USP10: variants seen among roughly 807,000 people sequenced by gnomAD.
The protein encoded by USP10 is ubiquitin carboxyl-terminal hydrolase 10.
USP10 carries 22 observed loss-of-function variants against 84.5 expected under a neutral mutation model. The ratio of observed to expected loss-of-function variants is 0.26; its 90% CI spans 0.19 to 0.37. The LOEUF (loss-of-function observed/expected upper bound fraction) is 0.37, where lower values mean the gene tolerates loss of function less well. Among genes scored for constraint, USP10 ranks in the 10% least tolerant of loss-of-function variants. The pLI, the probability that USP10 is intolerant of heterozygous loss-of-function variation, is 1.00. For synonymous variants in USP10, 454 were observed against 387.6 expected (o/e 1.17, Z -2.01); for missense variants, 1,019 against 998.9 (o/e 1.02, Z -0.27).
intron 1 of USP10, among the ~76,000 whole-genome samples, chr16:84,730,614 C>T (rs960306806): frequency 6.6e-5 from 10 of 152,258 alleles, no homozygotes; most frequent in African/African-American, 1.9e-4. Flanking sequence ...TTGGTGTCTG[C>T]GTTTGAAACA....
At chr16:84,709,646 A>C (rs1359218370) in intron 1 of USP10, among the ~76,000 whole-genome samples, 2 of 152,072 alleles carry the variant, frequency 1.3e-5, no homozygotes, top group African/African-American at 2.4e-5. Context: ...GGTGGAGAGA[A>C]GTTGCGTGAC....
At chr16:84,706,803 G>A (rs544054649) in intron 1 of USP10, among the ~76,000 whole-genome samples, 2 of 152,166 alleles carry the variant, frequency 1.3e-5, no homozygotes, top group East Asian at 3.9e-4. Flanking sequence ...GCCTCCCAGA[G>A]TGCTGGGATT....
At chr16:84,705,066 T>C (rs1435300517) in intron 1 of USP10, among the ~76,000 whole-genome samples, 1 of 152,190 alleles carries the variant, frequency 6.6e-6, no homozygotes, top group East Asian at 1.9e-4. Flanking sequence ...GCCTTATCGG[T>C]TGTCATTCTT....
intron 4 of USP10, among the ~76,000 whole-genome samples, chr16:84,754,979 C>G (rs1440783404): frequency 7.8e-6 from 1 of 128,362 alleles, no homozygotes; most frequent in Non-Finnish European, 1.6e-5. Flanking sequence ...TGTCTCTAGA[C>G]TTTGTCCCAG....
chr16:84,741,035 G>T (rs1027057354), intron 3 of USP10, among the ~76,000 whole-genome samples: 6 of 152,214 alleles, frequency 3.9e-5, no homozygotes, highest in African/African-American at 1.4e-4. Flanking sequence ...TTTTCAATCT[G>T]AATCACTTTA....
At chr16:84,751,690 A>G (rs1911957842) in intron 4 of USP10, among the ~76,000 whole-genome samples, 1 of 152,206 alleles carries the variant, frequency 6.6e-6, no homozygotes, top group Admixed American at 6.5e-5. Flanking sequence ...ATTGATGGTA[A>G]TGAGGAAAAG....
At chr16:84,715,196 C>G (rs985771992) in intron 1 of USP10, among the ~76,000 whole-genome samples, 2 of 152,128 alleles carry the variant, frequency 1.3e-5, no homozygotes, top group East Asian at 1.9e-4. Context: ...TCCCAAAGTG[C>G]TTGGATTACA....
intron 4 of USP10, among the ~76,000 whole-genome samples, chr16:84,752,891 A>G (rs1912098835): frequency 6.6e-6 from 1 of 152,224 alleles, no homozygotes; most frequent in Admixed American, 6.5e-5. Context: ...CTTAAGAGAA[A>G]ATCTTTGACA....
chr16:84,765,527 T>C (rs1399822953), intron 10 of USP10, among the ~76,000 whole-genome samples: 1 of 151,874 alleles, frequency 6.6e-6, no homozygotes, highest in Non-Finnish European at 1.5e-5. Flanking sequence ...CCATGCAATA[T>C]TTTTCTTTCT....
chr16:84,721,151 C>T (rs1161722028), intron 1 of USP10, among the ~76,000 whole-genome samples: 2 of 152,076 alleles, frequency 1.3e-5, no homozygotes, highest in Non-Finnish European at 2.9e-5. Context: ...CTGGGCCTCC[C>T]AAAGTGCTGG....
At chr16:84,708,998 C>G (rs974824667) in intron 1 of USP10, 2 of 152,146 alleles carry the variant, frequency 1.3e-5, no homozygotes, top group African/African-American at 4.8e-5. Context: ...GGTGGTAATT[C>G]CTGTAACACA....
Position 84,778,945 on chromosome 16 carries a change from G to A in USP10, c.2260G>A (p.Val754Ile), listed in dbSNP as rs779306261. 115 of 1,613,878 alleles carry A rather than the reference G, an allele frequency of 7.1e-5. No individual in the cohort carries two copies. Among genetic ancestry groups the A allele is most frequent in the Non-Finnish European group, 8.8e-5 (104 of 1,179,900 alleles). The part of the protein sequence containing the change: ...SATGGHYTTD[V>I]FQIGLNGWLR... ...GACGGGCGGCCATTACACTACAGAC[G>A]TCTTCCAGATCGGTCTGAATGGCTG... Residue 754 changes from valine (V) to isoleucine (I), a missense_variant, in exon 14 of 14, where the codon GTC becomes ATC. Around this residue, in one of 2 missense-constraint regions of USP10, gnomAD observed 232 missense variants for 290.1 expected, o/e 0.80. Transcript: ENST00000219473.
chr16:84,759,317 G>T, intron 5 of USP10, 46 bp from the exon 6 acceptor site: 1 of 1,529,578 alleles, frequency 6.5e-7, no homozygotes. Context: ...AGGAAATGTG[G>T]TGTGTCTGTT....
chr16:84,733,209 A>T (rs1215255383), intron 1 of USP10: 2 of 600,212 alleles, frequency 3.3e-6, no homozygotes, highest in African/African-American at 3.7e-5. Flanking sequence ...AATAAGCTTT[A>T]TCAGTTTCAT....
intron 2 of USP10, among the ~76,000 whole-genome samples, chr16:84,735,190 C>T (rs1909741208): frequency 9.2e-6 from 1 of 109,042 alleles, no homozygotes; most frequent in African/African-American, 3.9e-5. Flanking sequence ...GCTGCCAGGC[C>T]CGGGTGGTGT....
At chr16:84,766,695 G>A (rs1330066861) in intron 10 of USP10, among the ~76,000 whole-genome samples, 1 of 152,196 alleles carries the variant, frequency 6.6e-6, no homozygotes, top group African/African-American at 2.4e-5. Context: ...TCCATTTGGA[G>A]GACTTGCTGG....
intron 4 of USP10, among the ~76,000 whole-genome samples, chr16:84,750,579 G>T (rs545432320): frequency 6.6e-6 from 1 of 152,102 alleles, no homozygotes; most frequent in African/African-American, 2.4e-5. Context: ...GAAATTGAAC[G>T]TATGCTTTCA....
rs540101103 is a variant in USP10, at chr16:84,755,779, C to T, written c.1193-2937C>T. On this transcript the variant is annotated intron_variant, in intron 4 of 13. Transcript: ENST00000219473. ...TGCCACTGCATTCCAGCCTGGGCGG[C>T]AGAGTGAGACTGTCTCAAAAAAAAA... is the stretch of plus-strand genomic sequence containing the variant. Among the ~76,000 whole-genome samples the T allele has an allele frequency of 1.7e-4, 21 of 124,248 alleles. 2 individuals carry two copies. The South Asian group carries it at 5.1e-3, about 30-fold the overall frequency. 81.5% of individuals were successfully genotyped at this position (124,248 alleles called of 152,430 possible). A position where few individuals can be genotyped will look rare whatever the true frequency, so the allele number is the denominator to read the frequency against.
intron 2 of USP10, among the ~76,000 whole-genome samples, chr16:84,739,313 C>T (rs1203949354): frequency 1.3e-5 from 2 of 151,872 alleles, no homozygotes; most frequent in Non-Finnish European, 2.9e-5. Flanking sequence ...GCTCTATTGC[C>T]CAGGCTGGAG....
Sources: gnomAD v4.1 joint callset for allele counts (sites outside exome capture counted in the v4.1 genomes callset) on GRCh38, gnomAD v4.1.1 for gene constraint, gnomAD v4.1.1 regional missense constraint, MANE v1.5 for transcripts, NCBI Gene and HGNC (gene_info 2026-07-23, HGNC 2026-07-21) for gene names.